VRK1: variants seen among roughly 807,000 people sequenced by gnomAD.
VRK1 encodes serine/threonine-protein kinase VRK1.
VRK1 carries 33 observed loss-of-function variants against 57.1 expected under a neutral mutation model. The ratio of observed to expected loss-of-function variants is 0.58; its 90% CI spans 0.44 to 0.77. The LOEUF is 0.77. Ranked by LOEUF, VRK1 falls within the 30% of genes least tolerant of loss-of-function variation. The probability of loss-of-function intolerance (pLI) is 0.00; values close to 1 mark genes in which losing one functional copy is unlikely to be tolerated. For synonymous variants in VRK1, 137 were observed against 147.8 expected (o/e 0.93, Z 0.53); for missense variants, 413 against 477.3 (o/e 0.87, Z 1.25).
chr14:96,819,333 A>G (rs540391626), intron 1 of VRK1, among the ~76,000 whole-genome samples: 58 of 152,344 alleles, frequency 3.8e-4, no homozygotes, highest in African/African-American at 1.4e-3. Flanking sequence ...CAGATACGGT[A>G]GACTTGTATG....
intron 3 of VRK1, among the ~76,000 whole-genome samples, chr14:96,838,362 T>TA (rs1887305386): frequency 6.6e-6 from 1 of 152,188 alleles, no homozygotes; most frequent in Non-Finnish European, 1.5e-5. Context: ...AGCATACTTC[T>TA]AATAGCCAGA....
chr14:96,851,164 T>G (rs1595673440), intron 5 of VRK1, among the ~76,000 whole-genome samples: 1 of 151,596 alleles, frequency 6.6e-6, no homozygotes, highest in African/African-American at 2.4e-5. Context: ...TTAATTGAGG[T>G]GGAGTTTGCT....
intron 9 of VRK1, 132 bp from the exon 10 acceptor site, chr14:96,856,396 T>C: frequency 7.3e-7 from 1 of 1,366,648 alleles, no homozygotes; most frequent in African/African-American, 1.5e-5. Context: ...CCTTGGTCTT[T>C]TGTTTATTTT....
intron 2 of VRK1, among the ~76,000 whole-genome samples, chr14:96,835,030 T>C (rs1431383222): frequency 6.6e-6 from 1 of 152,192 alleles, no homozygotes; most frequent in African/African-American, 2.4e-5. Flanking sequence ...TCTCATCTGT[T>C]TTATCTGTAT....
intron 2 of VRK1, among the ~76,000 whole-genome samples, chr14:96,835,127 A>G (rs1451607409): frequency 6.6e-6 from 1 of 152,124 alleles, no homozygotes; most frequent in South Asian, 2.1e-4. Flanking sequence ...TAAGGTTGGG[A>G]TGACTAATCT....
intron 1 of VRK1, among the ~76,000 whole-genome samples, chr14:96,803,393 A>C (rs1885745367): frequency 6.6e-6 from 1 of 151,252 alleles, no homozygotes; most frequent in African/African-American, 2.4e-5. Context: ...CTGGTCTCGA[A>C]CTCCTGACTT....
intron 1 of VRK1, among the ~76,000 whole-genome samples, chr14:96,832,096 G>A (rs1003887514): frequency 7.7e-6 from 1 of 129,718 alleles, no homozygotes; most frequent in African/African-American, 2.9e-5. Flanking sequence ...AGATGCATTA[G>A]TATTCTATAG....
chr14:96,813,181 A>G (rs185051333), intron 1 of VRK1, among the ~76,000 whole-genome samples: 12 of 152,326 alleles, frequency 7.9e-5, no homozygotes, highest in South Asian at 4.1e-4. Context: ...CAGTATCACA[A>G]TTGCTGTGAA....
intron 11 of VRK1, among the ~76,000 whole-genome samples, chr14:96,869,941 T>C (rs1204406384): frequency 2.6e-5 from 4 of 152,188 alleles, no homozygotes; most frequent in African/African-American, 7.2e-5. Flanking sequence ...CCCACCAGTA[T>C]ATATATAGGT....
At chr14:96,857,188 A>G (rs1888196630) in intron 10 of VRK1, among the ~76,000 whole-genome samples, 1 of 152,142 alleles carries the variant, frequency 6.6e-6, no homozygotes, top group Admixed American at 6.5e-5. Flanking sequence ...TAGACAGTAA[A>G]CACATGAGCA....
chr14:96,871,701 T>C (rs1438738772), intron 11 of VRK1, among the ~76,000 whole-genome samples: 6 of 152,268 alleles, frequency 3.9e-5, no homozygotes, highest in Non-Finnish European at 8.8e-5. Flanking sequence ...TCTGTTCAGA[T>C]GGAGGTCAGT....
intron 12 of VRK1, 28 bp from the exon 13 acceptor site, chr14:96,881,149 A>G: frequency 6.3e-7 from 1 of 1,590,596 alleles, no homozygotes; most frequent in Non-Finnish European, 8.6e-7. Context: ...TTGACTAGTG[A>G]TTTCAGTTTC....
Position 96,881,173 on chromosome 14 carries a change from C to A in VRK1, c.1160-4C>A. ...GATTTCAGTTTCTTTGATTTTTCTT[C>A]AAGGTTCAAGAACCAGAAAGAGAGT... On this transcript the variant is annotated splice_region_variant and splice_polypyrimidine_tract_variant and intron_variant, in intron 12 of 12. Transcript: ENST00000216639. 1 of 1,601,528 alleles carries A rather than the reference C, an allele frequency of 6.2e-7. No individual in the cohort carries two copies. The highest frequency in any genetic ancestry group is 8.5e-7 in the Non-Finnish European group (1 of 1,173,308).
intron 7 of VRK1, among the ~76,000 whole-genome samples, chr14:96,854,975 A>C (rs1383276391): frequency 2.0e-5 from 3 of 152,226 alleles, no homozygotes; most frequent in Non-Finnish European, 4.4e-5. Context: ...TTATCTTAAA[A>C]AAGTATATAA....
intron 1 of VRK1, among the ~76,000 whole-genome samples, chr14:96,809,825 G>A (rs1051744918): frequency 2.6e-5 from 4 of 151,976 alleles, no homozygotes; most frequent in Non-Finnish European, 5.9e-5. Context: ...TGCCTGCTTC[G>A]GCCTCCCTAA....
At chr14:96,838,749 T>G (rs1887325920) in intron 3 of VRK1, among the ~76,000 whole-genome samples, 1 of 152,176 alleles carries the variant, frequency 6.6e-6, no homozygotes, top group Non-Finnish European at 1.5e-5. Context: ...CCAAACCATA[T>G]CAACCAGAAC....
At position 96,881,172 on chromosome 14, in the gene VRK1, T is replaced by C. The variant is rs2139857584; in HGVS notation, c.1160-5T>C. The C allele has an allele frequency of 6.2e-7, 1 of 1,603,666 alleles. No individual in the cohort carries two copies. The highest frequency in any genetic ancestry group is 8.5e-7 in the Non-Finnish European group (1 of 1,174,498). On this transcript the variant is annotated splice_region_variant and splice_polypyrimidine_tract_variant and intron_variant, in intron 12 of 12. Coordinates refer to ENST00000216639, the MANE Select transcript of VRK1 (RefSeq NM_003384.3). The stretch of plus-strand genomic sequence containing the variant: ...TGATTTCAGTTTCTTTGATTTTTCT[T>C]CAAGGTTCAAGAACCAGAAAGAGAG...
At chr14:96,846,577 GA>G (rs1245256589) in intron 4 of VRK1, among the ~76,000 whole-genome samples, 1 of 151,914 alleles carries the variant, frequency 6.6e-6, no homozygotes, top group African/African-American at 2.4e-5. Flanking sequence ...AGATTGGTAT[GA>G]AAAATAGGTC....
chr14:96,820,409 T>C (rs1467600794), intron 1 of VRK1, among the ~76,000 whole-genome samples: 1 of 152,164 alleles, frequency 6.6e-6, no homozygotes, highest in Non-Finnish European at 1.5e-5. Context: ...CGTTGTCAAC[T>C]TCCAATGGCC....
Sources: allele counts gnomAD v4.1 joint callset (sites outside exome capture counted in the v4.1 genomes callset), GRCh38; gene constraint gnomAD v4.1.1; transcripts MANE v1.5; gene names NCBI Gene and HGNC (gene_info 2026-07-23, HGNC 2026-07-21).